LRP1B: variants seen among roughly 807,000 people sequenced by gnomAD.
LRP1B encodes the protein LDL receptor related protein 1B.
In LRP1B, 217 loss-of-function variants were observed where a neutral mutation model predicts 556.6. That is an observed-to-expected ratio of 0.39 (90% CI 0.35 to 0.44). The LOEUF is 0.44. Ranked by LOEUF, LRP1B falls within the 20% of genes least tolerant of loss-of-function variation. LRP1B has a pLI of 1.00. For missense variants in LRP1B, 5,053 were observed against 5,620.8 expected, an observed-to-expected ratio of 0.90 and a Z score of 3.23; for synonymous variants, 2,047 against 1,865.8, an observed-to-expected ratio of 1.10 and a Z score of -2.50.
chr2:141,179,092 A>T (rs1234283327), intron 7 of LRP1B, among the ~76,000 whole-genome samples: 1 of 152,022 alleles, frequency 6.6e-6, no homozygotes, highest in African/African-American at 2.4e-5. Flanking sequence ...ATTTATATGG[A>T]TATATTTGAA....
intron 3 of LRP1B, among the ~76,000 whole-genome samples, chr2:141,435,512 A>C (rs1680730207): frequency 6.6e-6 from 1 of 152,080 alleles, no homozygotes; most frequent in Non-Finnish European, 1.5e-5. Flanking sequence ...GTCCCAAATA[A>C]AGTCAGTGTC....
At chr2:140,883,771 C>T (rs367876537) in intron 25 of LRP1B, 46 bp downstream of exon 25, 8 of 1,397,948 alleles carry the variant, frequency 5.7e-6, no homozygotes, top group African/African-American at 1.5e-5. Flanking sequence ...AATTGAAAGA[C>T]TATTTTTTAT....
chr2:140,964,077 A>G lies in LRP1B; in HGVS notation c.2888-12137T>C, dbSNP rs540289836. Reference sequence around the variant, plus strand: ...GGGTAAAGAATGTGAGTCACCTCCAATGATAGGTAAGGTCACATGTCCACT... The same window carrying G: ...GGGTAAAGAATGTGAGTCACCTCCAGTGATAGGTAAGGTCACATGTCCACT... On this transcript the variant is annotated intron_variant, in intron 18 of 90. Transcript: ENST00000389484. Among the ~76,000 whole-genome samples the G allele has an allele frequency of 6.6e-5, 10 of 150,568 alleles. No individual in the cohort carries two copies. In the South Asian group the frequency reaches 1.9e-3, roughly 29 times the overall value.
At chr2:141,163,196 A>T (rs766293587) in intron 7 of LRP1B, among the ~76,000 whole-genome samples, 2 of 152,122 alleles carry the variant, frequency 1.3e-5, no homozygotes. Context: ...AAACACAAGT[A>T]GTTTTCTCAA....
intron 41 of LRP1B, among the ~76,000 whole-genome samples, chr2:140,643,857 G>A (rs537423243): frequency 1.3e-5 from 2 of 152,220 alleles, no homozygotes; most frequent in East Asian, 1.9e-4. Flanking sequence ...AACCTTGAGA[G>A]TATGAATCAT....
chr2:141,522,445 C>T (rs1181360909), intron 2 of LRP1B, among the ~76,000 whole-genome samples: 4 of 88,392 alleles, frequency 4.5e-5, no homozygotes, highest in Non-Finnish European at 1.2e-4. Context: ...GCCAATACAT[C>T]AGTTTCCCGG....
At chr2:142,021,007 C>T (rs560484076) in intron 1 of LRP1B, among the ~76,000 whole-genome samples, 3 of 152,274 alleles carry the variant, frequency 2.0e-5, no homozygotes, top group South Asian at 4.1e-4. Flanking sequence ...CAAAATAGAA[C>T]CTTCTCTTTG....
At chr2:141,010,473 A>G (rs1203424789) in intron 14 of LRP1B, among the ~76,000 whole-genome samples, 1 of 152,000 alleles carries the variant, frequency 6.6e-6, no homozygotes, top group Non-Finnish European at 1.5e-5. Flanking sequence ...ATCTATTTAT[A>G]TCTACCTTCC....
intron 41 of LRP1B, 127 bp downstream of exon 41, chr2:140,700,123 G>T: frequency 4.7e-6 from 4 of 848,842 alleles, no homozygotes; most frequent in Non-Finnish European, 5.4e-6. Context: ...AGATGATATA[G>T]TCACATTCAT....
At chr2:141,339,924 A>AC (rs1559016152) in intron 3 of LRP1B, among the ~76,000 whole-genome samples, 1 of 151,524 alleles carries the variant, frequency 6.6e-6, no homozygotes, top group African/African-American at 2.4e-5. Context: ...TTCAGCTTTC[A>AC]CCCCCCTCCA....
chr2:141,296,496 C>T (rs1374834257), intron 3 of LRP1B, among the ~76,000 whole-genome samples: 5 of 152,128 alleles, frequency 3.3e-5, no homozygotes, highest in African/African-American at 1.2e-4. Context: ...TCTATAACTG[C>T]CTTCAGAGTT....
intron 1 of LRP1B, among the ~76,000 whole-genome samples, chr2:142,089,846 T>C (rs770522105): frequency 1.2e-4 from 18 of 152,188 alleles, no homozygotes; most frequent in Non-Finnish European, 2.1e-4. Flanking sequence ...TAAGAATATA[T>C]TTTGATATAT....
intron 3 of LRP1B, among the ~76,000 whole-genome samples, chr2:141,358,658 C>A (rs1191641833): frequency 6.6e-6 from 1 of 152,176 alleles, no homozygotes; most frequent in Non-Finnish European, 1.5e-5. Context: ...AAATTGTTTT[C>A]ATTACTGTTT....
At chr2:142,035,048 A>C (rs1703832656) in intron 1 of LRP1B, among the ~76,000 whole-genome samples, 1 of 151,790 alleles carries the variant, frequency 6.6e-6, no homozygotes, top group South Asian at 2.1e-4. Flanking sequence ...GGTATACTGT[A>C]CTATTCCTTT....
At chr2:140,755,117 T>C (rs1326928151) in intron 35 of LRP1B, among the ~76,000 whole-genome samples, 1 of 151,882 alleles carries the variant, frequency 6.6e-6, no homozygotes, top group Non-Finnish European at 1.5e-5. Context: ...CTATCAAAAC[T>C]AAAACATAAT....
intron 35 of LRP1B, among the ~76,000 whole-genome samples, chr2:140,734,437 T>G (rs1389825188): frequency 2.6e-5 from 4 of 152,192 alleles, no homozygotes; most frequent in Non-Finnish European, 4.4e-5. Flanking sequence ...AATTGATTTG[T>G]GTAAAATATC....
chr2:142,087,975 C>A (rs1574670949), intron 1 of LRP1B, among the ~76,000 whole-genome samples: 1 of 152,028 alleles, frequency 6.6e-6, no homozygotes, highest in South Asian at 2.1e-4. Flanking sequence ...TATTTAAATA[C>A]ACAAACATCA....
intron 7 of LRP1B, among the ~76,000 whole-genome samples, chr2:141,151,551 CTTATT>C (rs1252213767): frequency 6.6e-6 from 1 of 152,070 alleles, no homozygotes; most frequent in Non-Finnish European, 1.5e-5. Context: ...GACACAATTG[CTTATT>C]TTATTTTCTT....
chr2:141,690,442 A>ATATAT (rs1691483707), intron 2 of LRP1B, among the ~76,000 whole-genome samples: 1 of 82,282 alleles, frequency 1.2e-5, no homozygotes. Flanking sequence ...TATATATATA[A>ATATAT]TTACAAATAT....
Sources: allele counts gnomAD v4.1 joint callset (sites outside exome capture counted in the v4.1 genomes callset), GRCh38; gene constraint gnomAD v4.1.1; transcripts MANE v1.5; gene names NCBI Gene and HGNC (gene_info 2026-07-23, HGNC 2026-07-21).